The following COX16 variants were observed in gnomAD, a reference collection of about 807,000 sequenced individuals.
COX16 encodes the protein cytochrome c oxidase assembly factor COX16.
A neutral mutation model predicts 15.4 loss-of-function variants in COX16; 12 were observed. The observed-to-expected ratio is 0.78, with a 90% CI of 0.50 to 1.26. The LOEUF (loss-of-function observed/expected upper bound fraction) is 1.26. Ranked by LOEUF, COX16 falls within the 50% of genes most tolerant of loss-of-function variation. The pLI is 0.00. For synonymous variants in COX16, 46 were observed against 41.1 expected (o/e 1.12, Z -0.46); for missense variants, 124 against 127.6 (o/e 0.97, Z 0.14).
intron 1 of COX16, 35 bp downstream of exon 1, chr14:70,359,484 C>A (rs778691845): frequency 6.4e-7 from 1 of 1,574,312 alleles, no homozygotes; most frequent in East Asian, 2.2e-5. Flanking sequence ...AGGAGGGTCC[C>A]ACCCCTTGCG....
At chr14:70,334,142 TG>T (rs1886374435) in intron 2 of COX16, among the ~76,000 whole-genome samples, 2 of 152,226 alleles carry the variant, frequency 1.3e-5, no homozygotes, top group African/African-American at 2.4e-5. Context: ...ACTGCAATCA[TG>T]ATGTTTAAAT....
intron 1 of COX16, among the ~76,000 whole-genome samples, chr14:70,353,306 C>T (rs1442692477): frequency 6.7e-6 from 1 of 149,270 alleles, no homozygotes; most frequent in Non-Finnish European, 1.5e-5. Flanking sequence ...TAGCTTTAAT[C>T]CATCATTCTG....
At chr14:70,344,446 G>C (rs1410561567) in intron 1 of COX16, among the ~76,000 whole-genome samples, 2 of 152,222 alleles carry the variant, frequency 1.3e-5, no homozygotes, top group East Asian at 1.9e-4. Context: ...AGTCAGTTAG[G>C]TCTGATTTCT....
chr14:70,329,315 G>T, intron 2 of COX16, 79 bp from the exon 3 acceptor site: 1 of 1,318,098 alleles, frequency 7.6e-7, no homozygotes, highest in Non-Finnish European at 1.0e-6. Flanking sequence ...TTATAGAAGA[G>T]ATGGCTGAAA....
At position 70,325,936 on chromosome 14, in the gene COX16, T is replaced by A. The variant is rs1031076694; in HGVS notation, c.*397A>T. 4 of 152,554 alleles carry A rather than the reference T, an allele frequency of 2.6e-5. No individual in the cohort carries two copies. The highest frequency in any genetic ancestry group is 9.7e-5 in the African/African-American group (4 of 41,446). 9.5% of individuals were successfully genotyped at this position (152,554 alleles called of 1,614,324 possible). On this transcript the variant is annotated 3_prime_UTR_variant, in exon 4 of 4. Transcript: ENST00000389912. Reference sequence around the variant, plus strand: ...CTTGATTTTACTGTGAGAATTTGGATCCAGACCTACTGTCCTCATTAGGAA... The same window carrying A: ...CTTGATTTTACTGTGAGAATTTGGAACCAGACCTACTGTCCTCATTAGGAA...
chr14:70,346,362 C>T (rs899413769), intron 1 of COX16, among the ~76,000 whole-genome samples: 2 of 152,240 alleles, frequency 1.3e-5, no homozygotes, highest in Admixed American at 1.3e-4. Context: ...CAGCTCCACA[C>T]GGAAGCCTCC....
intron 2 of COX16, among the ~76,000 whole-genome samples, chr14:70,334,305 T>G (rs563298761): frequency 6.6e-6 from 1 of 152,246 alleles, no homozygotes; most frequent in East Asian, 1.9e-4. Flanking sequence ...GATGGATCAC[T>G]TGAGGTCAGG....
intron 3 of COX16, among the ~76,000 whole-genome samples, chr14:70,328,015 C>T (rs1886137992): frequency 2.6e-5 from 4 of 151,298 alleles, no homozygotes; most frequent in Admixed American, 2.6e-4. Flanking sequence ...CCCTGACATC[C>T]ACCTAAGACA....
At chr14:70,354,841 C>CGTATGT (rs1555345906) in intron 1 of COX16, among the ~76,000 whole-genome samples, 1 of 148,880 alleles carries the variant, frequency 6.7e-6, no homozygotes, top group Non-Finnish European at 1.5e-5. Context: ...TGTGTGTGTG[C>CGTATGT]GTGTGTGTGT....
At chr14:70,345,994 G>A (rs890870129) in intron 1 of COX16, among the ~76,000 whole-genome samples, 3 of 151,672 alleles carry the variant, frequency 2.0e-5, no homozygotes, top group Non-Finnish European at 4.4e-5. Context: ...TCCCCTCCTC[G>A]GGACAATTCT....
At chr14:70,343,106 T>C (rs1886671284) in intron 1 of COX16, among the ~76,000 whole-genome samples, 1 of 152,176 alleles carries the variant, frequency 6.6e-6, no homozygotes. Context: ...GCCAGCTAAA[T>C]GACTTGTCCA....
chr14:70,343,368 G>T (rs1479331680), intron 1 of COX16, among the ~76,000 whole-genome samples: 1 of 152,094 alleles, frequency 6.6e-6, no homozygotes, highest in Non-Finnish European at 1.5e-5. Flanking sequence ...AATTTTCTTT[G>T]TTCAAATAAA....
intron 1 of COX16, 151 bp downstream of exon 1, chr14:70,359,368 G>C: frequency 1.4e-6 from 1 of 714,312 alleles, no homozygotes; most frequent in Non-Finnish European, 2.5e-6. Flanking sequence ...TGGTGGAAGA[G>C]CTTTTAGGAA....
chr14:70,328,028 A>G (rs1886138751), intron 3 of COX16: 1 of 149,674 alleles, frequency 6.7e-6, no homozygotes, highest in South Asian at 2.1e-4. Flanking sequence ...CTAAGACACC[A>G]AAAGGACTGT....
chr14:70,343,953 T>C (rs1319776490), intron 1 of COX16, among the ~76,000 whole-genome samples: 1 of 152,116 alleles, frequency 6.6e-6, no homozygotes, highest in Non-Finnish European at 1.5e-5. Context: ...AGTTTTTAGA[T>C]AATTTGGTGG....
intron 1 of COX16, among the ~76,000 whole-genome samples, chr14:70,357,172 A>C (rs1194972212): frequency 4.8e-5 from 7 of 146,098 alleles, no homozygotes; most frequent in African/African-American, 5.2e-5. Context: ...AAAAAAAAAA[A>C]AAAAAAAAAA....
intron 1 of COX16, among the ~76,000 whole-genome samples, chr14:70,344,577 A>T (rs1010006129): frequency 1.3e-5 from 2 of 152,240 alleles, no homozygotes; most frequent in African/African-American, 4.8e-5. Flanking sequence ...CTCTTATAAA[A>T]CAAGCTTAGA....
chr14:70,349,906 TG>T (rs1484905214), intron 1 of COX16, among the ~76,000 whole-genome samples: 2 of 152,126 alleles, frequency 1.3e-5, no homozygotes, highest in Admixed American at 1.3e-4. Flanking sequence ...CAGGCACAGA[TG>T]TGTTTCCAGA....
At chr14:70,341,637 T>G (rs1246845564) in intron 2 of COX16, among the ~76,000 whole-genome samples, 1 of 152,132 alleles carries the variant, frequency 6.6e-6, no homozygotes, top group Non-Finnish European at 1.5e-5. Flanking sequence ...TTTTTTCAAG[T>G]AAAGACCCAC....
Sources: gnomAD v4.1 joint callset for allele counts (sites outside exome capture counted in the v4.1 genomes callset) on GRCh38, gnomAD v4.1.1 for gene constraint, MANE v1.5 for transcripts, NCBI Gene and HGNC (gene_info 2026-07-23, HGNC 2026-07-21) for gene names.